The following TPRG1 variants were observed in gnomAD, a reference collection of about 807,000 sequenced individuals.
TPRG1 encodes tumor protein p63 regulated 1.
In TPRG1, 29 loss-of-function variants were observed where a neutral mutation model predicts 29.3. That is an observed-to-expected ratio of 0.99 (90% confidence interval 0.74 to 1.35). The LOEUF (loss-of-function observed/expected upper bound fraction) is 1.35, where lower values mean the gene tolerates loss of function less well. Ranked by LOEUF, TPRG1 falls within the 40% of genes most tolerant of loss-of-function variation. The pLI is 0.00. For missense variants in TPRG1, 327 were observed against 335.0 expected (o/e 0.98, Z 0.19); for synonymous variants, 130 against 116.8 (o/e 1.11, Z -0.73).
chr3:189,186,999 T>TG (rs1731019355), intron 1 of TPRG1, among the ~76,000 whole-genome samples: 1 of 146,384 alleles, frequency 6.8e-6, no homozygotes, highest in Non-Finnish European at 1.5e-5. Context: ...TTTTTTTTTT[T>TG]TTTTTTTGAG....
At chr3:189,002,830 G>A (rs949861602) in intron 2 of TPRG1, among the ~76,000 whole-genome samples, 1 of 152,002 alleles carries the variant, frequency 6.6e-6, no homozygotes. Context: ...CTTGAACCTG[G>A]GCATTATTTT....
At chr3:189,070,267 G>T (rs1488700511) in intron 4 of TPRG1, among the ~76,000 whole-genome samples, 1 of 152,118 alleles carries the variant, frequency 6.6e-6, no homozygotes, top group Non-Finnish European at 1.5e-5. Flanking sequence ...GATGAAAGAG[G>T]TATAGGCAGG....
chr3:189,081,548 G>C lies in TPRG1; in HGVS notation c.-462-45509G>C, dbSNP rs565998051. Among the ~76,000 whole-genome samples, 3 of 152,266 alleles carry C rather than the reference G, an allele frequency of 2.0e-5. No homozygotes were observed. The East Asian group carries it at 5.8e-4, about 29-fold the overall frequency. ...TGAATGAAAGAATAGAAGAAAAAAAGTATGGTCACAAGTATTAAATGATAC... is the reference window on the plus strand; with the variant it reads ...TGAATGAAAGAATAGAAGAAAAAAACTATGGTCACAAGTATTAAATGATAC... On this transcript the variant is annotated intron_variant, in intron 4 of 10. Coordinates refer to the TPRG1 transcript ENST00000433971.
At chr3:189,202,119 G>A (rs1733597708) in intron 1 of TPRG1, among the ~76,000 whole-genome samples, 1 of 152,144 alleles carries the variant, frequency 6.6e-6, no homozygotes, top group African/African-American at 2.4e-5. Flanking sequence ...TCTCAGGGTA[G>A]TTATTCATCC....
In TPRG1 at chr3:189,022,974, G is replaced by A. The variant is rs1381821298; in HGVS notation, c.-659-776G>A. ...GTCGGAAAAGCGCAGTATTCGGGTG[G>A]GAGCGACCCGATTTTCCAGGTGCCG... On this transcript the variant is annotated intron_variant, in intron 3 of 10. Coordinates refer to the TPRG1 transcript ENST00000433971. 2.0e-5 allele frequency among the ~76,000 whole-genome samples: 3 copies of A among 152,042 alleles called. No homozygotes were observed. The East Asian group carries it at 5.8e-4, about 29-fold the overall frequency.
chr3:189,011,324 T>C (rs185356225), intron 3 of TPRG1, among the ~76,000 whole-genome samples: 26 of 152,328 alleles, frequency 1.7e-4, no homozygotes, highest in Non-Finnish European at 3.2e-4. Context: ...TTAATGAGAA[T>C]AGCATTGAAT....
intron 4 of TPRG1, among the ~76,000 whole-genome samples, chr3:189,027,540 A>T (rs902057974): frequency 6.6e-6 from 1 of 152,218 alleles, no homozygotes; most frequent in Admixed American, 6.5e-5. Context: ...AGACAAGCCC[A>T]CAGGGGCAAT....
intron 4 of TPRG1, among the ~76,000 whole-genome samples, chr3:189,062,317 G>T (rs1052346594): frequency 6.6e-6 from 1 of 152,140 alleles, no homozygotes; most frequent in African/African-American, 2.4e-5. Context: ...AAGAGGATCA[G>T]AGAAAATAAC....
intron 4 of TPRG1, among the ~76,000 whole-genome samples, chr3:189,257,297 G>C (rs1025861646): frequency 1.4e-4 from 22 of 152,144 alleles, no homozygotes; most frequent in Non-Finnish European, 2.5e-4. Context: ...ATTCTGGGTT[G>C]AAAATTCTTT....
At chr3:189,250,485 T>C (rs1241085762) in intron 4 of TPRG1, among the ~76,000 whole-genome samples, 1 of 134,786 alleles carries the variant, frequency 7.4e-6, no homozygotes, top group Non-Finnish European at 1.6e-5. Flanking sequence ...ATTTCAGGTG[T>C]TAACAAGTTC....
chr3:189,027,794 GA>G (rs1177975219), intron 4 of TPRG1, among the ~76,000 whole-genome samples: 1 of 152,124 alleles, frequency 6.6e-6, no homozygotes, highest in Non-Finnish European at 1.5e-5. Context: ...TGGAAAAATG[GA>G]AAATCAGGGC....
At chr3:189,239,900 C>T (rs921782424) in intron 4 of TPRG1, among the ~76,000 whole-genome samples, 1 of 152,180 alleles carries the variant, frequency 6.6e-6, no homozygotes, top group East Asian at 1.9e-4. Flanking sequence ...TCATAGTCTT[C>T]GAGGCATCTG....
intron 5 of TPRG1, among the ~76,000 whole-genome samples, chr3:189,153,278 A>G (rs993198318): frequency 5.9e-5 from 9 of 152,190 alleles, no homozygotes; most frequent in African/African-American, 2.2e-4. Flanking sequence ...ACCTGTCTTA[A>G]TTCACCTTCC....
intron 3 of TPRG1, among the ~76,000 whole-genome samples, chr3:189,226,797 C>CA (rs1175619202): frequency 0.33 from 27,240 of 81,422 alleles, 2,811 homozygotes; most frequent in South Asian, 0.49. Context: ...GCAAGGCTGA[C>CA]AAAAAAAAAA....
chr3:189,315,442 T>C lies in TPRG1; in HGVS notation c.633+4903T>C. On this transcript the variant is annotated intron_variant, in intron 5 of 5. Transcript: ENST00000345063. Reference sequence around the variant, plus strand: ...ATTTCATCCACTTTGTATTTGCAACTTATAGCCTTACCTTTTCTTTTTTAA... The same window carrying C: ...ATTTCATCCACTTTGTATTTGCAACCTATAGCCTTACCTTTTCTTTTTTAA... 3 of 446,910 alleles carry C rather than the reference T, an allele frequency of 6.7e-6. No homozygotes were observed. In the East Asian group the frequency reaches 2.1e-4, roughly 31 times the overall value. The allele number at this position is 446,910 out of a possible 1,614,324, so 27.7% of individuals were successfully genotyped here.
In TPRG1 at chr3:189,172,486, C is replaced by T. The variant is rs563910539; in HGVS notation, c.-10+355C>T. On this transcript the variant is annotated intron_variant, in intron 1 of 5. Transcript: ENST00000345063. Reference sequence around the variant, plus strand: ...TTGAAGTGATTTGTTCCAATTGGATCAGCAGGTTAAGGCCAAGATTAGATT... The same window carrying T: ...TTGAAGTGATTTGTTCCAATTGGATTAGCAGGTTAAGGCCAAGATTAGATT... 1.6e-3 allele frequency among the ~76,000 whole-genome samples: 242 copies of T among 152,138 alleles called. 2 individuals are homozygous for T. The highest frequency in any genetic ancestry group is 3.0e-3 in the Non-Finnish European group (205 of 68,008).
chr3:189,022,409 T>C (rs1205131950), intron 3 of TPRG1, among the ~76,000 whole-genome samples: 7 of 150,190 alleles, frequency 4.7e-5, no homozygotes, highest in Non-Finnish European at 5.9e-5. Context: ...GATGGGTTTT[T>C]GGTGTGGATG....
chr3:189,094,916 G>A (rs1029649198), intron 4 of TPRG1, among the ~76,000 whole-genome samples: 3 of 152,154 alleles, frequency 2.0e-5, no homozygotes, highest in Non-Finnish European at 2.9e-5. Flanking sequence ...CATCCTGGAG[G>A]AGCAGGATGC....
At chr3:189,088,738 AT>A (rs1258705793) in intron 4 of TPRG1, among the ~76,000 whole-genome samples, 69 of 152,312 alleles carry the variant, frequency 4.5e-4, no homozygotes, top group Middle Eastern at 3.4e-3. Flanking sequence ...GAAGAGAGAA[AT>A]AAAAGACTTT....
Sources: gnomAD v4.1 joint callset for allele counts (sites outside exome capture counted in the v4.1 genomes callset) on GRCh38, gnomAD v4.1.1 for gene constraint, MANE v1.5 for transcripts, NCBI Gene and HGNC (gene_info 2026-07-23, HGNC 2026-07-21) for gene names.